ALDH1L2: variants seen among roughly 807,000 people sequenced by gnomAD.
ALDH1L2 encodes the protein mitochondrial 10-formyltetrahydrofolate dehydrogenase.
Under a neutral mutation model 111.0 loss-of-function variants are expected in ALDH1L2, and 91 were observed. The observed-to-expected ratio is 0.82, with a 90% CI of 0.69 to 0.98. ALDH1L2 has a LOEUF of 0.98. ALDH1L2 is among the 50% of genes least tolerant of loss of function. ALDH1L2 has a pLI of 0.00. For synonymous variants in ALDH1L2, 374 were observed against 392.6 expected, an observed-to-expected ratio of 0.95 and a Z score of 0.56; for missense variants, 995 against 1,126.8, an observed-to-expected ratio of 0.88 and a Z score of 1.67.
At position 105,056,615 on chromosome 12, in the gene ALDH1L2, A is replaced by G. The variant is rs1263915265; in HGVS notation, c.1287+1458T>C. ...CTCATGATGTATAAAGACATAATTC[A>G]TATGACAATAATGGCACAAATTAGG... On this transcript the variant is annotated intron_variant, in intron 10 of 22. Transcript: ENST00000258494. Among the ~76,000 whole-genome samples, 43 of 152,104 alleles carry G rather than the reference A, an allele frequency of 2.8e-4. 1 individual carries two copies. Among genetic ancestry groups the G allele is most frequent in the Admixed American group, 2.8e-3 (43 of 15,264 alleles).
At chr12:105,081,889 T>A (rs1878351440) in intron 1 of ALDH1L2, among the ~76,000 whole-genome samples, 1 of 152,246 alleles carries the variant, frequency 6.6e-6, no homozygotes, top group South Asian at 2.1e-4. Flanking sequence ...GATTTTTAAA[T>A]TTTAAAGATA....
At position 105,061,687 on chromosome 12, in the gene ALDH1L2, C is replaced by A. The variant is rs557856639; in HGVS notation, c.987G>T (p.Thr329=). Residue 329 remains threonine (T), a synonymous_variant, in exon 8 of 23, where the codon ACG becomes ACT. Transcript: ENST00000258494. ...KMIPASQYFS[T]GETSVVELTA... is the part of the protein sequence containing the mutation. ...TCAGTTCTACCACTGACGTCTCACC[C>A]GTTGAAAAGTACTGAGAGGCAGGGA... 5.0e-6 allele frequency: 8 copies of A among 1,614,088 alleles called. No homozygotes were observed. In the Admixed American group the frequency reaches 1.2e-4, roughly 24 times the overall value.
intron 10 of ALDH1L2, among the ~76,000 whole-genome samples, chr12:105,053,702 T>A (rs4144467): frequency 0.39 from 58,658 of 151,968 alleles, 12,547 homozygotes; most frequent in Middle Eastern, 0.61. Context: ...TTTATGTGGG[T>A]TATAATGAAG....
At position 105,074,737 on chromosome 12, in the gene ALDH1L2, C is replaced by T. The variant is rs550841078; in HGVS notation, c.49-732G>A. On this transcript the variant is annotated intron_variant, in intron 1 of 22. Transcript: ENST00000258494. ...CTGTTTTTGAAGAAATTTAATTTTC[C>T]CTTATTTCCCACTTTATTAGAGGCA... 5.5e-4 allele frequency among the ~76,000 whole-genome samples: 84 copies of T among 152,220 alleles called. 1 individual carries two copies. Among genetic ancestry groups the T allele is most frequent in the Admixed American group, 2.1e-3 (32 of 15,286 alleles).
intron 10 of ALDH1L2, among the ~76,000 whole-genome samples, chr12:105,057,700 G>A (rs1300091269): frequency 6.6e-6 from 1 of 152,120 alleles, no homozygotes; most frequent in Non-Finnish European, 1.5e-5. Context: ...TCTAAAATAG[G>A]CAAATCCATA....
chr12:105,072,168 TTA>T (rs1877773628), intron 2 of ALDH1L2, among the ~76,000 whole-genome samples: 1 of 147,934 alleles, frequency 6.8e-6, no homozygotes, highest in South Asian at 2.1e-4. Flanking sequence ...ATTATAGAAA[TTA>T]TGATATCTAT....
chr12:105,027,517 G>C (rs765017431), intron 21 of ALDH1L2, among the ~76,000 whole-genome samples: 5 of 152,140 alleles, frequency 3.3e-5, no homozygotes, highest in African/African-American at 1.2e-4. Flanking sequence ...TCTGTGAGAG[G>C]GCTCTGCAGC....
intron 18 of ALDH1L2, among the ~76,000 whole-genome samples, chr12:105,034,983 C>CATAAATAA (rs375314124): frequency 7.2e-4 from 101 of 139,994 alleles, no homozygotes; most frequent in Non-Finnish European, 1.3e-3. Flanking sequence ...GATTCCATCT[C>CATAAATAA]ATAAATAAAT....
intron 10 of ALDH1L2, among the ~76,000 whole-genome samples, chr12:105,054,170 T>C (rs1166542928): frequency 6.6e-6 from 1 of 152,148 alleles, no homozygotes; most frequent in East Asian, 1.9e-4. Context: ...TAGTAAGCCA[T>C]GCTACTTGGA....
At chr12:105,081,099 C>G (rs557485909) in intron 1 of ALDH1L2, among the ~76,000 whole-genome samples, 4 of 152,108 alleles carry the variant, frequency 2.6e-5, no homozygotes, top group Non-Finnish European at 5.9e-5. Flanking sequence ...AGAATATGCA[C>G]AGGTTATATA....
intron 22 of ALDH1L2, among the ~76,000 whole-genome samples, chr12:105,025,664 CAAAA>C (rs1009030312): frequency 2.0e-5 from 3 of 152,090 alleles, no homozygotes; most frequent in African/African-American, 7.2e-5. Flanking sequence ...CAAAACAAAA[CAAAA>C]AAACTCCAAA....
intron 7 of ALDH1L2, among the ~76,000 whole-genome samples, chr12:105,062,132 CT>C (rs1463398403): frequency 1.3e-5 from 2 of 152,206 alleles, no homozygotes; most frequent in African/African-American, 4.8e-5. Context: ...TGCATAAGTG[CT>C]TGCTTCAGCA....
chr12:105,034,455 T>C (rs1318861418), intron 18 of ALDH1L2, 57 bp from the exon 19 acceptor site: 2 of 1,497,594 alleles, frequency 1.3e-6, no homozygotes, highest in Non-Finnish European at 1.8e-6. Flanking sequence ...AAGATTCTCA[T>C]AAAGTTGTAC....
Position 105,062,900 on chromosome 12 carries a change from G to A in ALDH1L2, c.909C>T (p.Asn303=), listed in dbSNP as rs770997234. 6.2e-6 allele frequency: 10 copies of A among 1,609,964 alleles called. No individual in the cohort carries two copies. Among genetic ancestry groups the A allele is most frequent in the Admixed American group, 1.7e-5 (1 of 58,852 alleles). The part of the protein sequence containing the change: ...VTKNGLVLFG[N]DGKALTVRNL... ...ATTTAACACTCACTGCTTTTCCATC[G>A]TTACCAAAAAGAACAAGTCCATTTT... Residue 303 remains asparagine (N), a synonymous_variant, in exon 7 of 23, where the codon AAC becomes AAT. Coordinates refer to ENST00000258494, the MANE Select transcript of ALDH1L2 (RefSeq NM_001034173.4).
At chr12:105,052,491 G>A (rs921795698) in intron 11 of ALDH1L2, among the ~76,000 whole-genome samples, 3 of 152,186 alleles carry the variant, frequency 2.0e-5, no homozygotes, top group Admixed American at 6.5e-5. Flanking sequence ...CTTTAGGAAA[G>A]CTGAATTTCT....
chr12:105,046,905 G>A lies in ALDH1L2; in HGVS notation c.1751C>T (p.Pro584Leu). ...GGCACTCTCCTTATCTTACCCGAGT[G>A]GCTCTTTCTTGGTGAAGGTCAGATT... ...NRNLTFTKKE[P>L]LGVCAIIIPW... Residue 584 changes from proline to leucine, a missense_variant, in exon 14 of 23, where the codon CCA becomes CTA. Transcript: ENST00000258494. The A allele has an allele frequency of 1.2e-6, 2 of 1,614,004 alleles. No homozygotes were observed. Among genetic ancestry groups the A allele is most frequent in the Non-Finnish European group, 1.7e-6 (2 of 1,179,924 alleles).
At chr12:105,064,114 C>CTTTTTTTTTTTTTTTTTTTTTTTTTTTT (rs71069786) in intron 6 of ALDH1L2, among the ~76,000 whole-genome samples, 1 of 35,082 alleles carries the variant, frequency 2.9e-5, no homozygotes, top group Non-Finnish European at 5.4e-5. Flanking sequence ...CCACACCGAG[C>CTTTTTTTTTTTTTTTTTTTTTTTTTTTT]TTTTTTTTTT....
intron 12 of ALDH1L2, chr12:105,050,346 G>T: frequency 4.7e-6 from 1 of 214,238 alleles, no homozygotes; most frequent in African/African-American, 2.3e-5. Flanking sequence ...CCAGTCATTG[G>T]AACCACATTC....
rs925732965 is a variant in ALDH1L2 at position 105,022,381 on chromosome 12, A to T, written c.*2043T>A. 2 of 152,210 alleles carry T rather than the reference A, an allele frequency of 1.3e-5. No individual in the cohort carries two copies. The highest frequency in any genetic ancestry group is 4.8e-5 in the African/African-American group (2 of 41,454). The allele number at this position is 152,210 out of a possible 1,614,324, so 9.4% of individuals were successfully genotyped here. On this transcript the variant is annotated 3_prime_UTR_variant, in exon 23 of 23. Coordinates refer to ENST00000258494, the MANE Select transcript of ALDH1L2 (RefSeq NM_001034173.4). ...GACACAGGGAGTGTTCATAGCTTTT[A>T]TCAGATTCCCAAAGAGTTTTGCAGC...
Sources: allele counts gnomAD v4.1 joint callset (sites outside exome capture counted in the v4.1 genomes callset), GRCh38; gene constraint gnomAD v4.1.1; transcripts MANE v1.5; gene names NCBI Gene and HGNC (gene_info 2026-07-23, HGNC 2026-07-21).